Variants in SYDE2 observed in about 807,000 individuals in gnomAD.
The protein encoded by SYDE2 is rho GTPase-activating protein SYDE2.
A neutral mutation model predicts 91.5 loss-of-function variants in SYDE2; 76 were observed. The observed-to-expected ratio is 0.83, with a 90% CI of 0.69 to 1.01. SYDE2 has a LOEUF of 1.01. Among genes scored for constraint, SYDE2 ranks in the 50% least tolerant of loss-of-function variants. The probability of loss-of-function intolerance (pLI) is 0.00; values close to 1 mark genes in which losing one functional copy is unlikely to be tolerated. For synonymous variants in SYDE2, 513 were observed against 506.4 expected, an observed-to-expected ratio of 1.01 and a Z score of -0.18; for missense variants, 1,364 against 1,367.7, an observed-to-expected ratio of 1.00 and a Z score of 0.04.
At chr1:85,193,445 C>CTA (rs1658451013) in intron 1 of SYDE2, among the ~76,000 whole-genome samples, 1 of 152,128 alleles carries the variant, frequency 6.6e-6, no homozygotes, top group Admixed American at 6.5e-5. Context: ...TATAGCTAGA[C>CTA]ACATTCATTA....
chr1:85,200,053 A>C, intron 1 of SYDE2, 199 bp downstream of exon 1: 1 of 802,228 alleles, frequency 1.2e-6, no homozygotes, highest in Non-Finnish European at 1.5e-6. Flanking sequence ...ATTAAAAAGA[A>C]AAAAAAAAGC....
Position 85,169,229 on chromosome 1 carries a change from T to TA in SYDE2, c.2672-5dup, listed in dbSNP as rs151092289. 6.4e-3 allele frequency: 10,326 copies of TA among 1,604,538 alleles called. 590 individuals are homozygous for TA. In the African/African-American group the frequency reaches 0.12, roughly 19 times the overall value. On this transcript the variant is annotated splice_polypyrimidine_tract_variant and splice_region_variant and intron_variant, in intron 4 of 6. Transcript: ENST00000341460. ...CTTAAATAATCCTTAAGAACACCTT[T>TA]AAAAAACAAACCGCAGACAGTTGGT...
At chr1:85,173,265 G>A (rs1313542916) in intron 4 of SYDE2, among the ~76,000 whole-genome samples, 1 of 152,122 alleles carries the variant, frequency 6.6e-6, no homozygotes, top group Non-Finnish European at 1.5e-5. Context: ...TGAAGATAGA[G>A]TATTGGAGTT....
chr1:85,194,568 A>C (rs1658506991), intron 1 of SYDE2, among the ~76,000 whole-genome samples: 1 of 151,346 alleles, frequency 6.6e-6, no homozygotes, highest in South Asian at 2.1e-4. Context: ...AAGTATGCAA[A>C]GTTACAAGGC....
intron 6 of SYDE2, chr1:85,160,730 A>G (rs958267329): frequency 2.2e-5 from 22 of 985,234 alleles, no homozygotes; most frequent in African/African-American, 1.7e-4. Flanking sequence ...TCACCAACCA[A>G]TTACAATATT....
intron 6 of SYDE2, chr1:85,159,748 A>G (rs1206876010): frequency 1.5e-6 from 1 of 668,332 alleles, no homozygotes; most frequent in African/African-American, 2.0e-5. Context: ...TATTAGCATC[A>G]GAGTCATAGT....
At chr1:85,183,688 G>A (rs537115817) in intron 2 of SYDE2, among the ~76,000 whole-genome samples, 6 of 152,090 alleles carry the variant, frequency 3.9e-5, no homozygotes, top group Admixed American at 1.3e-4. Context: ...TGGAGTGTTT[G>A]ATAAACTGGA....
intron 2 of SYDE2, among the ~76,000 whole-genome samples, chr1:85,186,544 C>T (rs994058432): frequency 5.3e-5 from 8 of 152,042 alleles, no homozygotes; most frequent in Non-Finnish European, 1.0e-4. Context: ...CAAAAAAGAG[C>T]CCGCATCGCC....
At position 85,200,857 on chromosome 1, in the gene SYDE2, C is replaced by G. The variant is rs546712035; in HGVS notation, c.140G>C (p.Gly47Ala). Residue 47 changes from glycine to alanine, a missense_variant, in exon 1 of 7, where the codon GGG (glycine) becomes GCG (alanine). By Grantham distance (60) the Gly-to-Ala change is moderately conservative (BLOSUM62 0). Transcript: ENST00000341460. ...AAYRRACPRD[G>A]ERGGGGRPRQ... ...AGGGCGTCCGCCGCCTCCCCGCTCC[C>G]CGTCCCGGGGGCAGGCTCGGCGGTA... is the stretch of plus-strand genomic sequence containing the variant. 1 of 1,376,534 alleles carries G rather than the reference C, an allele frequency of 7.3e-7. No individual in the cohort carries two copies. Among genetic ancestry groups the G allele is most frequent in the Non-Finnish European group, 9.3e-7 (1 of 1,075,104 alleles). 85.3% of individuals were successfully genotyped at this position (1,376,534 alleles called of 1,614,324 possible).
Position 85,168,996 on chromosome 1 carries a change from C to T in SYDE2, c.2853+48G>A, listed in dbSNP as rs148701208. 75 of 1,499,718 alleles carry T rather than the reference C, an allele frequency of 5.0e-5. No individual in the cohort carries two copies. The African/African-American group carries it at 9.2e-4, about 18-fold the overall frequency. The allele number at this position is 1,499,718 out of a possible 1,614,324, so 92.9% of individuals were successfully genotyped here. A position where few individuals can be genotyped will look rare whatever the true frequency, so the allele number is the denominator to read the frequency against. ...ATTTGTAGCTCTGGAGGTAGGTATA[C>T]AGTTCATTAACTGGCTTTCAGGAAA... is the stretch of plus-strand genomic sequence containing the variant. On this transcript the variant is annotated intron_variant, in intron 5 of 6. Transcript: ENST00000341460.
chr1:85,160,168 C>T (rs1657008567), intron 6 of SYDE2: 1 of 985,052 alleles, frequency 1.0e-6, no homozygotes, highest in African/African-American at 1.7e-5. Context: ...CTTCCTATTT[C>T]CCTGCACTAA....
intron 2 of SYDE2, among the ~76,000 whole-genome samples, chr1:85,187,695 G>A (rs1658203271): frequency 6.6e-6 from 1 of 151,520 alleles, no homozygotes. Context: ...CATAAAAAAG[G>A]ATGAGTTCAT....
chr1:85,169,044 C>T lies in SYDE2; in HGVS notation c.2853G>A (p.Lys951=), dbSNP rs142164438. ...AAAAATGTATACTGGTAATGCTTACCTTCTCAATCTCTGGCAGACAATCCA... is the reference window on the plus strand; with the variant it reads ...AAAAATGTATACTGGTAATGCTTACTTTCTCAATCTCTGGCAGACAATCCA... ...DLLDCLPEIE[K]ATLKMLLDHL... The change falls in exon 5 of 7, where the codon AAG becomes AAA. Residue 951 remains lysine, a splice_region_variant and synonymous_variant. Transcript: ENST00000341460. The T allele has an allele frequency of 6.2e-7, 1 of 1,613,596 alleles. No homozygotes were observed.
At chr1:85,194,105 A>G (rs1658486869) in intron 1 of SYDE2, among the ~76,000 whole-genome samples, 1 of 151,814 alleles carries the variant, frequency 6.6e-6, no homozygotes, top group Admixed American at 6.6e-5. Flanking sequence ...TTTATTTATT[A>G]AACTGAATTA....
rs1401381562 is a variant in SYDE2, at chr1:85,200,652, G to A, written c.345C>T (p.Asp115=). ...DSWIRCGAHR[D]WDEPPPRGGR... is the part of the protein sequence containing the mutation. ...CTCCACGTGGCGGGGGCTCGTCCCAGTCCCGGTGCGCGCCGCACCTGATCC... is the reference window on the plus strand; with the variant it reads ...CTCCACGTGGCGGGGGCTCGTCCCAATCCCGGTGCGCGCCGCACCTGATCC... The change falls in exon 1 of 7, where the codon GAC becomes GAT. Residue 115 remains aspartate, a synonymous_variant. Transcript: ENST00000341460. 2.6e-6 allele frequency: 4 copies of A among 1,539,730 alleles called. No individual in the cohort carries two copies. Among genetic ancestry groups the A allele is most frequent in the South Asian group, 2.4e-5 (2 of 84,758 alleles).
At chr1:85,178,045 A>G (rs1657770698) in intron 4 of SYDE2, 101 bp downstream of exon 4, 1 of 1,035,094 alleles carries the variant, frequency 9.7e-7, no homozygotes, top group Admixed American at 2.7e-5. Flanking sequence ...AGACTTCAGA[A>G]TAAAAACAAA....
At chr1:85,200,200 C>T (rs1275575186) in intron 1 of SYDE2, 52 bp downstream of exon 1, 2 of 1,610,910 alleles carry the variant, frequency 1.2e-6, no homozygotes, top group African/African-American at 1.3e-5. Flanking sequence ...GAAGCCCAGT[C>T]GGTAAACAGT....
At chr1:85,189,863 GATAGTA>G (rs1486596467) in intron 2 of SYDE2, among the ~76,000 whole-genome samples, 188 bp downstream of exon 2, 2 of 152,052 alleles carry the variant, frequency 1.3e-5, no homozygotes, top group African/African-American at 4.8e-5. Context: ...TCAAGTCTGT[GATAGTA>G]ATAATTAAAC....
rs1235715618 is a variant in SYDE2 at position 85,168,943 on chromosome 1, G to A, written c.2853+101C>T. On this transcript the variant is annotated intron_variant, in intron 5 of 6. Transcript: ENST00000341460. ...AATGGCAGAGCTTTTAAATCCATGAGTGCCACAAATGTCAAATATCTAAAA... is the reference window on the plus strand; with the variant it reads ...AATGGCAGAGCTTTTAAATCCATGAATGCCACAAATGTCAAATATCTAAAA... 2.8e-6 allele frequency: 3 copies of A among 1,064,520 alleles called. No individual in the cohort carries two copies. The Admixed American group carries it at 6.6e-5, about 24-fold the overall frequency. The allele number at this position is 1,064,520 out of a possible 1,614,324, so 65.9% of individuals were successfully genotyped here.
Sources: gnomAD v4.1 joint callset for allele counts (sites outside exome capture counted in the v4.1 genomes callset) on GRCh38, gnomAD v4.1.1 for gene constraint, MANE v1.5 for transcripts, NCBI Gene and HGNC (gene_info 2026-07-23, HGNC 2026-07-21) for gene names.